The following FBXL8 variants were observed in gnomAD, a reference collection of about 807,000 sequenced individuals.
FBXL8 encodes F-box and leucine rich repeat protein 8.
A neutral mutation model predicts 8.2 loss-of-function variants in FBXL8; 13 were observed. The ratio of observed to expected loss-of-function variants is 1.58; its 90% CI spans 1.03 to 2.51. The LOEUF (loss-of-function observed/expected upper bound fraction) is 2.51. Ranked by LOEUF, FBXL8 falls within the 30% of genes most tolerant of loss-of-function variation. The probability of loss-of-function intolerance (pLI) is 0.00; values close to 1 mark genes in which losing one functional copy is unlikely to be tolerated. For synonymous variants in FBXL8, 271 were observed against 260.5 expected (o/e 1.04, Z -0.39); for missense variants, 565 against 540.4 (o/e 1.05, Z -0.45).
Position 67,163,748 on chromosome 16 carries a change from C to T in FBXL8, c.1053C>T (p.Cys351=). 1.3e-6 allele frequency: 2 copies of T among 1,594,262 alleles called. No homozygotes were observed. Among genetic ancestry groups the T allele is most frequent in the Non-Finnish European group, 1.7e-6 (2 of 1,177,880 alleles). The change falls in exon 3 of 3, where the codon TGC becomes TGT. Residue 351 remains cysteine (C), a synonymous_variant. Transcript: ENST00000258200. ...HSVLDAFRAH[C]PRLRTYTLKL... is the part of the protein sequence containing the mutation. The stretch of plus-strand genomic sequence containing the variant: ...TGCTGGACGCCTTCCGCGCGCACTG[C>T]CCGCGCCTGCGCACCTATACCCTCA...
In FBXL8 at chr16:67,163,201, T is replaced by C. The variant is rs1182456455; in HGVS notation, c.506T>C (p.Leu169Pro). 6.4e-7 allele frequency: 1 copy of C among 1,565,632 alleles called. No homozygotes were observed. The highest frequency in any genetic ancestry group is 2.4e-5 in the East Asian group (1 of 42,064). Residue 169 changes from leucine to proline, a missense_variant, in exon 3 of 3, where the codon CTG becomes CCG. Leu to Pro is a moderately conservative substitution (Grantham distance 98, BLOSUM62 -3). Coordinates refer to ENST00000258200, the MANE Select transcript of FBXL8 (RefSeq NM_018378.3). ...TGTCCCGAGCTCCACAGCCTTTTTCTGGACAACAGTACCCTAGTGGGCAGC... is the reference window on the plus strand; with the variant it reads ...TGTCCCGAGCTCCACAGCCTTTTTCCGGACAACAGTACCCTAGTGGGCAGC... ...RSCPELHSLF[L>P]DNSTLVGSVG...
In FBXL8 at chr16:67,163,085, A is replaced by T; in HGVS notation, c.390A>T (p.Val130=). 6.3e-7 allele frequency: 1 copy of T among 1,581,492 alleles called. No homozygotes were observed. Among genetic ancestry groups the T allele is most frequent in the Non-Finnish European group, 8.6e-7 (1 of 1,164,102 alleles). ...GRDVLEAVHA[V]CGAASQLRHL... The stretch of plus-strand genomic sequence containing the variant: ...ACGTCCTGGAGGCTGTGCACGCTGT[A>T]TGCGGGGCGGCCAGCCAGCTACGCC... The change falls in exon 3 of 3, where the codon GTA becomes GTT. Residue 130 remains valine, a synonymous_variant. Transcript: ENST00000258200.
Position 67,163,044 on chromosome 16 carries a change from T to G in FBXL8, c.349T>G (p.Phe117Val), listed in dbSNP as rs1020664359. The change falls in exon 3 of 3, where the codon TTC becomes GTC. Residue 117 changes from phenylalanine (F) to valine (V), a missense_variant. By Grantham distance (50) the Phe-to-Val change is conservative. Coordinates refer to ENST00000258200, the MANE Select transcript of FBXL8 (RefSeq NM_018378.3). ...RLECRGEKPL[F>V]DAGRDVLEAV... ...GGAGTGCCGCGGAGAAAAACCGCTC[T>G]TCGACGCGGGCCGCGACGTCCTGGA... is the stretch of plus-strand genomic sequence containing the variant. 1 of 1,566,518 alleles carries G rather than the reference T, an allele frequency of 6.4e-7. No homozygotes were observed. Among genetic ancestry groups the G allele is most frequent in the African/African-American group, 1.4e-5 (1 of 73,828 alleles).
At chr16:67,161,457 A>G (rs931837472) in intron 1 of FBXL8, among the ~76,000 whole-genome samples, 9 of 152,018 alleles carry the variant, frequency 5.9e-5, no homozygotes, top group South Asian at 2.1e-4. Flanking sequence ...AAAAGAAAAA[A>G]AAAAAAAAAA....
At chr16:67,162,399 A>G (rs2030944426) in intron 2 of FBXL8, 1 of 591,128 alleles carries the variant, frequency 1.7e-6, no homozygotes, top group South Asian at 2.0e-5. Flanking sequence ...AGTGCCTTAC[A>G]TATATTAACT....
chr16:67,160,490 C>G (rs1366537747), intron 1 of FBXL8, among the ~76,000 whole-genome samples: 2 of 152,220 alleles, frequency 1.3e-5, no homozygotes, highest in Non-Finnish European at 2.9e-5. Context: ...GCAGGTGGAT[C>G]ACCTGAGGTC....
chr16:67,163,756 T>A lies in FBXL8; in HGVS notation c.1061T>A (p.Leu354Gln). 6.3e-7 allele frequency: 1 copy of A among 1,591,934 alleles called. No homozygotes were observed. Among genetic ancestry groups the A allele is most frequent in the Non-Finnish European group, 8.5e-7 (1 of 1,177,010 alleles). ...GCCTTCCGCGCGCACTGCCCGCGCCTGCGCACCTATACCCTCAAGCTCACG... is the reference window on the plus strand; with the variant it reads ...GCCTTCCGCGCGCACTGCCCGCGCCAGCGCACCTATACCCTCAAGCTCACG... ...LDAFRAHCPR[L>Q]RTYTLKLTRE... Residue 354 changes from leucine to glutamine, a missense_variant, in exon 3 of 3, where the codon CTG (leucine) becomes CAG (glutamine). Leu to Gln is a moderately radical substitution (Grantham distance 113, BLOSUM62 -2). Transcript: ENST00000258200.
At position 67,161,780 on chromosome 16, in the gene FBXL8, TG is replaced by T; in HGVS notation, c.-3del. The T allele has an allele frequency of 1.3e-6, 2 of 1,596,948 alleles. No homozygotes were observed. Among genetic ancestry groups the T allele is most frequent in the Non-Finnish European group, 1.7e-6 (2 of 1,170,692 alleles). On this transcript the variant is annotated 5_prime_UTR_variant, in exon 2 of 3. Coordinates refer to ENST00000258200, the MANE Select transcript of FBXL8 (RefSeq NM_018378.3). ...CGGATCCTCCCACCCCAGCCGGATC[TG>T]GGCCATGGCCGAGCCTGGAGAGGGA...
Position 67,163,712 on chromosome 16 carries a change from G to C in FBXL8, c.1017G>C (p.Val339=), listed in dbSNP as rs2031032938. 1.9e-6 allele frequency: 3 copies of C among 1,595,412 alleles called. No individual in the cohort carries two copies. The highest frequency in any genetic ancestry group is 2.5e-6 in the Non-Finnish European group (3 of 1,178,164). Residue 339 remains valine, a synonymous_variant, in exon 3 of 3, where the codon GTG becomes GTC. Transcript: ENST00000258200. ...GCGAGGTGCATTGTTTCTGCGTGGT[G>C]AGCCACTCGGTGCTGGACGCCTTCC... ...ALREVHCFCV[V]SHSVLDAFRA...
chr16:67,163,684 T>G lies in FBXL8; in HGVS notation c.989T>G (p.Leu330Arg). The G allele has an allele frequency of 6.3e-7, 1 of 1,585,878 alleles. No homozygotes were observed. The highest frequency in any genetic ancestry group is 8.5e-7 in the Non-Finnish European group (1 of 1,173,800). The change falls in exon 3 of 3, where the codon CTG becomes CGG. Residue 330 changes from leucine (L) to arginine (R), a missense_variant. Physicochemically the swap from Leu to Arg is moderately radical, Grantham distance 102. Coordinates refer to ENST00000258200, the MANE Select transcript of FBXL8 (RefSeq NM_018378.3). ...LEELAARCAA[L>R]REVHCFCVVS... ...GAGCTGGCGGCGCGCTGCGCGGCCC[T>G]GCGCGAGGTGCATTGTTTCTGCGTG...
chr16:67,161,574 C>T (rs2030903572), intron 1 of FBXL8, 161 bp from the exon 2 acceptor site: 3 of 485,066 alleles, frequency 6.2e-6, no homozygotes, highest in Admixed American at 4.1e-5. Flanking sequence ...GTAGGTGAGG[C>T]GGTGAAATCT....
In FBXL8 at chr16:67,163,720, C is replaced by A. The variant is rs768911631; in HGVS notation, c.1025C>A (p.Ser342Ter). ...CATTGTTTCTGCGTGGTGAGCCACT[C>A]GGTGCTGGACGCCTTCCGCGCGCAC... ...EVHCFCVVSH[S>*]VLDAFRAHCP... is the part of the protein sequence containing the mutation. Residue 342 changes from serine to a stop codon, truncating the protein, a stop_gained, in exon 3 of 3, where the codon TCG (serine) becomes TAG (stop). Transcript: ENST00000258200. LOFTEE classifies it high-confidence loss of function. 2 of 1,594,760 alleles carry A rather than the reference C, an allele frequency of 1.3e-6. No individual in the cohort carries two copies. Among genetic ancestry groups the A allele is most frequent in the African/African-American group, 1.3e-5 (1 of 74,424 alleles).
chr16:67,163,924 G>A lies in FBXL8; in HGVS notation c.*104G>A, dbSNP rs1319625931. On this transcript the variant is annotated 3_prime_UTR_variant, in exon 3 of 3. Transcript: ENST00000258200. ...AGTGCTAGTGCCTTCTTTTGGGATTGTTGCCCCCCGGGTCTTTACCGAGTT... is the reference window on the plus strand; with the variant it reads ...AGTGCTAGTGCCTTCTTTTGGGATTATTGCCCCCCGGGTCTTTACCGAGTT... 3 of 1,487,540 alleles carry A rather than the reference G, an allele frequency of 2.0e-6. No homozygotes were observed. The highest frequency in any genetic ancestry group is 2.7e-6 in the Non-Finnish European group (3 of 1,109,890). 92.1% of individuals were successfully genotyped at this position (1,487,540 alleles called of 1,614,324 possible).
chr16:67,163,110 C>A lies in FBXL8; in HGVS notation c.415C>A (p.His139Asn). ...AVCGAASQLR[H>N]LDLRRLSFTL... ...ATGCGGGGCGGCCAGCCAGCTACGC[C>A]ACCTCGACCTGCGGCGCTTGTCCTT... Residue 139 changes from histidine (H) to asparagine (N), a missense_variant, in exon 3 of 3, where the codon CAC becomes AAC. His to Asn is a moderately conservative substitution (Grantham distance 68). Coordinates refer to ENST00000258200, the MANE Select transcript of FBXL8 (RefSeq NM_018378.3). 1 of 1,581,000 alleles carries A rather than the reference C, an allele frequency of 6.3e-7. No homozygotes were observed. Among genetic ancestry groups the A allele is most frequent in the East Asian group, 2.3e-5 (1 of 43,090 alleles).
chr16:67,160,881 C>A (rs1421880948), intron 1 of FBXL8, among the ~76,000 whole-genome samples: 3 of 152,202 alleles, frequency 2.0e-5, no homozygotes, highest in Non-Finnish European at 2.9e-5. Context: ...GAACTTAAAT[C>A]TTGAGCCCCT....
intron 1 of FBXL8, among the ~76,000 whole-genome samples, chr16:67,160,760 G>A (rs143305546): frequency 6.6e-6 from 1 of 152,326 alleles, no homozygotes; most frequent in East Asian, 1.9e-4. Flanking sequence ...CAAAGAGGAC[G>A]CACACTTTCC....
chr16:67,160,862 C>T (rs1045720103), intron 1 of FBXL8, among the ~76,000 whole-genome samples: 2 of 152,216 alleles, frequency 1.3e-5, no homozygotes, highest in African/African-American at 2.4e-5. Context: ...CAGGGCTGCT[C>T]AGGGGTCGGA....
chr16:67,163,649 C>G lies in FBXL8; in HGVS notation c.954C>G (p.Ala318=). The stretch of plus-strand genomic sequence containing the variant: ...CAGCCGCTTCGGCCGAGCTGAACGC[C>G]GCGCTGGAGGAGCTGGCGGCGCGCT... The part of the protein sequence containing the change: ...VRAAASAELN[A]ALEELAARCA... The change falls in exon 3 of 3, where the codon GCC becomes GCG. Residue 318 remains alanine, a synonymous_variant. Coordinates refer to ENST00000258200, the MANE Select transcript of FBXL8 (RefSeq NM_018378.3). 1 of 1,569,302 alleles carries G rather than the reference C, an allele frequency of 6.4e-7. No individual in the cohort carries two copies. Among genetic ancestry groups the G allele is most frequent in the Non-Finnish European group, 8.6e-7 (1 of 1,166,600 alleles).
At position 67,161,763 on chromosome 16, in the gene FBXL8, C is replaced by A. The variant is rs2030912686; in HGVS notation, c.-23C>A. 1 of 1,572,460 alleles carries A rather than the reference C, an allele frequency of 6.4e-7. No homozygotes were observed. The highest frequency in any genetic ancestry group is 8.6e-7 in the Non-Finnish European group (1 of 1,156,712). On this transcript the variant is annotated 5_prime_UTR_variant, in exon 2 of 3. Transcript: ENST00000258200. ...GGAGCTATTGGGAGTGGCGGATCCT[C>A]CCACCCCAGCCGGATCTGGGCCATG...
Sources: gnomAD v4.1 joint callset for allele counts (sites outside exome capture counted in the v4.1 genomes callset) on GRCh38, gnomAD v4.1.1 for gene constraint, MANE v1.5 for transcripts, NCBI Gene and HGNC (gene_info 2026-07-23, HGNC 2026-07-21) for gene names.